Variants in LRGUK observed in about 807,000 individuals in gnomAD.
LRGUK encodes leucine rich repeats and guanylate kinase domain containing, also known as leucine-rich repeat and guanylate kinase domain-containing protein.
LRGUK carries 65 observed loss-of-function variants against 76.0 expected under a neutral mutation model. The observed-to-expected ratio is 0.85, with a 90% confidence interval of 0.70 to 1.05. The LOEUF is 1.05. Among genes scored for constraint, LRGUK ranks in the 50% least tolerant of loss-of-function variants. The pLI, the probability that LRGUK is intolerant of heterozygous loss-of-function variation, is 0.00. For missense variants in LRGUK, 758 were observed against 732.8 expected, an observed-to-expected ratio of 1.03 and a Z score of -0.40; for synonymous variants, 268 against 265.6, an observed-to-expected ratio of 1.01 and a Z score of -0.09.
intron 10 of LRGUK, 134 bp from the exon 11 acceptor site, chr7:134,183,600 G>T: frequency 1.2e-6 from 1 of 807,930 alleles, no homozygotes; most frequent in African/African-American, 1.7e-5. Flanking sequence ...TTCTGGAAAG[G>T]ACAACTATTC....
intron 2 of LRGUK, among the ~76,000 whole-genome samples, chr7:134,137,730 T>C (rs955750607): frequency 1.3e-5 from 2 of 152,196 alleles, no homozygotes; most frequent in Non-Finnish European, 2.9e-5. Context: ...CTGGGAATAC[T>C]TGCTTCTTTC....
intron 4 of LRGUK, 107 bp downstream of exon 4, chr7:134,143,269 G>A (rs899178458): frequency 1.5e-6 from 1 of 685,922 alleles, no homozygotes; most frequent in Non-Finnish European, 2.6e-6. Context: ...AGATACAGAG[G>A]TAAGCAATGT....
intron 2 of LRGUK, among the ~76,000 whole-genome samples, chr7:134,138,615 C>T (rs537988219): frequency 7.9e-5 from 12 of 152,202 alleles, no homozygotes; most frequent in East Asian, 7.7e-4. Context: ...ACTGTTCTAG[C>T]GGCCTTCATT....
At chr7:134,208,595 A>C in intron 15 of LRGUK, 5 of 385,840 alleles carry the variant, frequency 1.3e-5, no homozygotes, top group South Asian at 1.4e-4. Flanking sequence ...GTGTAATTTT[A>C]TTCCTTTCAA....
intron 15 of LRGUK, among the ~76,000 whole-genome samples, chr7:134,205,053 G>A (rs1260729246): frequency 2.6e-5 from 4 of 152,216 alleles, no homozygotes; most frequent in Admixed American, 6.5e-5. Context: ...AGGACAAAGT[G>A]TCCACAGCAT....
intron 15 of LRGUK, among the ~76,000 whole-genome samples, 188 bp from the exon 16 acceptor site, chr7:134,221,591 A>G (rs942563596): frequency 2.6e-5 from 4 of 152,172 alleles, no homozygotes; most frequent in African/African-American, 9.6e-5. Flanking sequence ...TAGGTATTAT[A>G]GGCTGATTTT....
downstream of LRGUK, among the ~76,000 whole-genome samples, chr7:134,269,429 T>C (rs1355763970): frequency 6.6e-6 from 1 of 150,468 alleles, no homozygotes; most frequent in East Asian, 2.0e-4. Context: ...CATAGCTTGC[T>C]ACAGCCTTGA....
intron 11 of LRGUK, among the ~76,000 whole-genome samples, chr7:134,186,886 T>C (rs1408570619): frequency 1.3e-5 from 2 of 152,196 alleles, no homozygotes; most frequent in Admixed American, 6.5e-5. Context: ...ATTTTTCTCT[T>C]CTGGCTGGAA....
At chr7:134,255,853 A>T (rs1005972331) in intron 18 of LRGUK, among the ~76,000 whole-genome samples, 2 of 152,070 alleles carry the variant, frequency 1.3e-5, no homozygotes, top group East Asian at 1.9e-4. Flanking sequence ...TGGTCTCAGC[A>T]TGATTCCTTG....
At chr7:134,183,472 C>A (rs1383904696) in intron 10 of LRGUK, among the ~76,000 whole-genome samples, 1 of 152,120 alleles carries the variant, frequency 6.6e-6, no homozygotes, top group East Asian at 1.9e-4. Context: ...CATCAAGAAC[C>A]AATAAATGTT....
intron 15 of LRGUK, among the ~76,000 whole-genome samples, chr7:134,220,682 C>T (rs1323646904): frequency 5.9e-5 from 9 of 151,944 alleles, no homozygotes; most frequent in Non-Finnish European, 1.0e-4. Context: ...GATCCTCCCA[C>T]CTTAGCCTGC....
chr7:134,245,827 A>G (rs1405693202), intron 16 of LRGUK, among the ~76,000 whole-genome samples: 1 of 152,212 alleles, frequency 6.6e-6, no homozygotes, highest in Non-Finnish European at 1.5e-5. Context: ...AATTCACAGC[A>G]GACTTGGTTA....
At chr7:134,222,614 TG>T (rs1468958045) in intron 16 of LRGUK, among the ~76,000 whole-genome samples, 2 of 151,900 alleles carry the variant, frequency 1.3e-5, no homozygotes, top group African/African-American at 2.4e-5. Context: ...GTTTTTGTTT[TG>T]TTTTTTTTTT....
intron 16 of LRGUK, among the ~76,000 whole-genome samples, chr7:134,223,951 C>G (rs372642210): frequency 1.3e-3 from 204 of 152,104 alleles, no homozygotes; most frequent in Middle Eastern, 0.01. Context: ...TATACCTACC[C>G]CTGAGATCTT....
intron 16 of LRGUK, among the ~76,000 whole-genome samples, chr7:134,241,230 A>G (rs745704889): frequency 3.9e-5 from 6 of 152,246 alleles, no homozygotes; most frequent in Non-Finnish European, 7.3e-5. Flanking sequence ...AATGGGCTAA[A>G]TGCTCCAATT....
chr7:134,211,181 G>A (rs565111145), downstream of LRGUK, among the ~76,000 whole-genome samples: 11 of 152,306 alleles, frequency 7.2e-5, no homozygotes, highest in Admixed American at 1.3e-4. Context: ...TGCTGTTGCC[G>A]TCACAGCCTG....
At chr7:134,193,280 AT>A (rs964657143) in intron 12 of LRGUK, among the ~76,000 whole-genome samples, 1 of 152,244 alleles carries the variant, frequency 6.6e-6, no homozygotes, top group Non-Finnish European at 1.5e-5. Flanking sequence ...CTCAATAGAG[AT>A]TTGAGAAGTT....
intron 8 of LRGUK, among the ~76,000 whole-genome samples, chr7:134,176,079 AATG>A (rs1187125274): frequency 6.6e-6 from 1 of 152,184 alleles, no homozygotes; most frequent in African/African-American, 2.4e-5. Context: ...AGCCTTTAGA[AATG>A]AGGATAATCT....
At chr7:134,237,988 A>G (rs1802053481) in intron 16 of LRGUK, among the ~76,000 whole-genome samples, 1 of 152,206 alleles carries the variant, frequency 6.6e-6, no homozygotes, top group South Asian at 2.1e-4. Flanking sequence ...GAATAACAGT[A>G]CTAATACCAC....
Sources: allele counts gnomAD v4.1 joint callset (sites outside exome capture counted in the v4.1 genomes callset), GRCh38; gene constraint gnomAD v4.1.1; transcripts MANE v1.5; gene names NCBI Gene and HGNC (gene_info 2026-07-23, HGNC 2026-07-21).